Variants in TEAD1 observed in about 807,000 individuals in gnomAD.
TEAD1 encodes the protein transcriptional enhancer factor TEF-1.
In TEAD1, 9 loss-of-function variants were observed where a neutral mutation model predicts 54.9. The observed-to-expected ratio is 0.16, with a 90% CI of 0.10 to 0.29. The LOEUF is 0.29. Ranked by LOEUF, TEAD1 falls within the 10% of genes least tolerant of loss-of-function variation. The pLI, the probability that TEAD1 is intolerant of heterozygous loss-of-function variation, is 1.00. For missense variants in TEAD1, 387 were observed against 535.9 expected, an observed-to-expected ratio of 0.72 and a Z score of 2.74; for synonymous variants, 200 against 187.8, an observed-to-expected ratio of 1.07 and a Z score of -0.53.
At chr11:12,891,158 G>A (rs2134112687) in intron 9 of TEAD1, among the ~76,000 whole-genome samples, 1 of 152,332 alleles carries the variant, frequency 6.6e-6, no homozygotes. Flanking sequence ...GAAGGGAGAT[G>A]TCCCTTCCTT....
chr11:12,770,745 T>A (rs1945296753), intron 3 of TEAD1, among the ~76,000 whole-genome samples: 1 of 152,164 alleles, frequency 6.6e-6, no homozygotes, highest in Admixed American at 6.5e-5. Context: ...AATATTGATA[T>A]GGAAGGAAGT....
chr11:12,861,096 G>A (rs1947491064), intron 3 of TEAD1, among the ~76,000 whole-genome samples: 1 of 152,242 alleles, frequency 6.6e-6, no homozygotes, highest in Non-Finnish European at 1.5e-5. Flanking sequence ...TCCATTTACT[G>A]TAGAAAGTAT....
chr11:12,935,322 C>T (rs1949080363), intron 12 of TEAD1, among the ~76,000 whole-genome samples: 1 of 152,118 alleles, frequency 6.6e-6, no homozygotes, highest in African/African-American at 2.4e-5. Context: ...GCACCCACTC[C>T]TAGAGGTCGT....
intron 2 of TEAD1, among the ~76,000 whole-genome samples, chr11:12,706,729 G>A (rs1168403414): frequency 2.0e-5 from 3 of 152,166 alleles, no homozygotes; most frequent in African/African-American, 4.8e-5. Flanking sequence ...CCTCTGGTGT[G>A]GCCGGGCCAG....
chr11:12,739,948 G>T (rs1049540629), intron 2 of TEAD1, among the ~76,000 whole-genome samples: 3 of 152,200 alleles, frequency 2.0e-5, no homozygotes, highest in Admixed American at 2.0e-4. Context: ...ACAAACAAAA[G>T]CTTCATGGGA....
intron 3 of TEAD1, among the ~76,000 whole-genome samples, chr11:12,804,316 G>A (rs1359281766): frequency 6.6e-6 from 1 of 152,150 alleles, no homozygotes; most frequent in African/African-American, 2.4e-5. Flanking sequence ...TTTCCCTAGC[G>A]GTGGTCCCTG....
At chr11:12,772,585 A>G (rs1945334495) in intron 3 of TEAD1, among the ~76,000 whole-genome samples, 1 of 152,226 alleles carries the variant, frequency 6.6e-6, no homozygotes, top group Admixed American at 6.5e-5. Flanking sequence ...CTCAGCAGTG[A>G]GTATTAGCAG....
chr11:12,934,782 G>C (rs1249205127), intron 12 of TEAD1, among the ~76,000 whole-genome samples: 1 of 152,028 alleles, frequency 6.6e-6, no homozygotes, highest in African/African-American at 2.4e-5. Context: ...GTGAGAGATG[G>C]TACTGCCTTC....
intron 3 of TEAD1, among the ~76,000 whole-genome samples, chr11:12,833,656 A>G (rs1240359764): frequency 6.6e-6 from 1 of 151,668 alleles, no homozygotes; most frequent in African/African-American, 2.4e-5. Flanking sequence ...CTTTTTTCCT[A>G]CAGGATAAAG....
intron 2 of TEAD1, among the ~76,000 whole-genome samples, chr11:12,761,298 A>T (rs1459103415): frequency 6.6e-6 from 1 of 152,096 alleles, no homozygotes; most frequent in African/African-American, 2.4e-5. Flanking sequence ...AGTAGCAGAA[A>T]TTTTTTTCTT....
chr11:12,857,614 T>TGTGTGTGTGTGTGTGTGTG (rs1947417461), intron 3 of TEAD1, among the ~76,000 whole-genome samples: 1 of 55,148 alleles, frequency 1.8e-5, no homozygotes, highest in African/African-American at 1.0e-4. Context: ...GTGTGTGTGT[T>TGTGTGTGTGTGTGTGTGTG]AGAAGATCAT....
In TEAD1 at chr11:12,675,405, C is replaced by T. The variant is rs1444541220; in HGVS notation, c.-207-4C>T. 6.5e-6 allele frequency: 1 copy of T among 152,742 alleles called. No homozygotes were observed. Among genetic ancestry groups the T allele is most frequent in the Non-Finnish European group, 1.5e-5 (1 of 68,530 alleles). 9.5% of individuals were successfully genotyped at this position (152,742 alleles called of 1,614,324 possible). ...GGGCACGGTCGTCTTTGCCGCTTCT[C>T]CAGGACTGTTGCTGCCGCTGCCGCC... On this transcript the variant is annotated splice_region_variant and splice_polypyrimidine_tract_variant and intron_variant, in intron 1 of 12. Coordinates refer to ENST00000527636, the MANE Select transcript of TEAD1 (RefSeq NM_021961.6).
At chr11:12,774,618 A>G (rs1945382072) in intron 3 of TEAD1, among the ~76,000 whole-genome samples, 1 of 152,218 alleles carries the variant, frequency 6.6e-6, no homozygotes, top group African/African-American at 2.4e-5. Flanking sequence ...TGGGCCAGCC[A>G]TACAAGCTCT....
chr11:12,777,472 C>T (rs1054160131), intron 3 of TEAD1, among the ~76,000 whole-genome samples: 1 of 152,198 alleles, frequency 6.6e-6, no homozygotes, highest in African/African-American at 2.4e-5. Context: ...ATTACAAACA[C>T]AGTAGCTTCC....
intron 3 of TEAD1, among the ~76,000 whole-genome samples, chr11:12,847,033 T>C (rs2134044321): frequency 6.6e-6 from 1 of 152,326 alleles, no homozygotes; most frequent in South Asian, 2.1e-4. Context: ...GCAGGAGCCC[T>C]GTTGCATTCT....
At chr11:12,750,458 G>C (rs1475532834) in intron 2 of TEAD1, among the ~76,000 whole-genome samples, 1 of 152,106 alleles carries the variant, frequency 6.6e-6, no homozygotes, top group East Asian at 1.9e-4. Flanking sequence ...AACTGTCCTG[G>C]CCTTGGACCA....
chr11:12,798,498 T>G (rs1945983664), intron 3 of TEAD1, among the ~76,000 whole-genome samples: 1 of 152,280 alleles, frequency 6.6e-6, no homozygotes, highest in South Asian at 2.1e-4. Context: ...GGGACTTGAT[T>G]TCTCTTTTTT....
At chr11:12,783,612 G>A (rs1185370657) in intron 3 of TEAD1, among the ~76,000 whole-genome samples, 1 of 152,188 alleles carries the variant, frequency 6.6e-6, no homozygotes, top group Non-Finnish European at 1.5e-5. Flanking sequence ...AGGTCGAATG[G>A]CTACTGCGTG....
At chr11:12,766,683 G>A (rs995242476) in intron 3 of TEAD1, among the ~76,000 whole-genome samples, 3 of 152,174 alleles carry the variant, frequency 2.0e-5, no homozygotes, top group African/African-American at 7.2e-5. Flanking sequence ...CTTCCTGAGT[G>A]TGCATGGTTT....
Sources: allele counts gnomAD v4.1 joint callset (sites outside exome capture counted in the v4.1 genomes callset), GRCh38; gene constraint gnomAD v4.1.1; transcripts MANE v1.5; gene names NCBI Gene and HGNC (gene_info 2026-07-23, HGNC 2026-07-21).